The following DNER variants were observed in gnomAD, a reference collection of about 807,000 sequenced individuals.
The protein encoded by DNER is delta/notch like EGF repeat containing.
DNER carries 33 observed loss-of-function variants against 78.2 expected under a neutral mutation model. The ratio of observed to expected loss-of-function variants is 0.42; its 90% confidence interval spans 0.32 to 0.56. DNER has a LOEUF of 0.56. Among genes scored for constraint, DNER ranks in the 20% least tolerant of loss-of-function variants. The pLI is 0.11. For synonymous variants in DNER, 417 were observed against 384.8 expected, an observed-to-expected ratio of 1.08 and a Z score of -0.98; for missense variants, 918 against 975.3, an observed-to-expected ratio of 0.94 and a Z score of 0.78.
In DNER at chr2:229,607,491, A is replaced by C. The variant is rs537176521; in HGVS notation, c.277-15603T>G. Among the ~76,000 whole-genome samples the C allele has an allele frequency of 3.3e-5, 5 of 152,314 alleles. No homozygotes were observed. In the South Asian group the frequency reaches 1.0e-3, roughly 32 times the overall value. Reference sequence around the variant, plus strand: ...GTAGAACAGTACAATTCCAATCAAAATCCCATGCTTCTTTTTTGTTTTCTG... The same window carrying C: ...GTAGAACAGTACAATTCCAATCAAACTCCCATGCTTCTTTTTTGTTTTCTG... On this transcript the variant is annotated intron_variant, in intron 1 of 12. Coordinates refer to ENST00000341772, the MANE Select transcript of DNER (RefSeq NM_139072.4).
At chr2:229,387,893 T>TGTGTG (rs3222719) in intron 11 of DNER, among the ~76,000 whole-genome samples, 1,993 of 71,946 alleles carry the variant, frequency 0.028, 18 homozygotes, top group Middle Eastern at 0.049. Flanking sequence ...GTGTGTGTGT[T>TGTGTG]TTTTAATTTT....
intron 8 of DNER, among the ~76,000 whole-genome samples, chr2:229,446,909 GTTAAC>G (rs1694353388): frequency 6.6e-6 from 1 of 152,200 alleles, no homozygotes; most frequent in African/African-American, 2.4e-5. Context: ...AAGATATTCT[GTTAAC>G]TTAAGCACAC....
intron 8 of DNER, among the ~76,000 whole-genome samples, chr2:229,426,552 C>T (rs1045185546): frequency 2.6e-5 from 4 of 151,724 alleles, no homozygotes; most frequent in African/African-American, 9.7e-5. Flanking sequence ...GGTCATAGAG[C>T]CCTTTGGCGC....
intron 4 of DNER, among the ~76,000 whole-genome samples, chr2:229,579,770 G>T (rs567921663): frequency 4.0e-4 from 60 of 150,956 alleles, no homozygotes; most frequent in African/African-American, 1.4e-3. Context: ...TGGGTATTGA[G>T]AATTCCTTTT....
intron 1 of DNER, among the ~76,000 whole-genome samples, chr2:229,599,096 G>A (rs1051949191): frequency 6.6e-6 from 1 of 152,114 alleles, no homozygotes; most frequent in Non-Finnish European, 1.5e-5. Flanking sequence ...ATTCTGGGCA[G>A]TGGGTGGGGA....
At chr2:229,705,123 C>T (rs1216420926) in intron 1 of DNER, among the ~76,000 whole-genome samples, 1 of 152,222 alleles carries the variant, frequency 6.6e-6, no homozygotes, top group Non-Finnish European at 1.5e-5. Flanking sequence ...GCTACAGACT[C>T]TTCGCTTCAG....
At chr2:229,576,185 A>T (rs1174485574) in intron 4 of DNER, among the ~76,000 whole-genome samples, 1 of 152,142 alleles carries the variant, frequency 6.6e-6, no homozygotes, top group African/African-American at 2.4e-5. Context: ...TTAAATCTTA[A>T]GTTTTCAGTG....
At chr2:229,622,571 A>G (rs965356931) in intron 1 of DNER, among the ~76,000 whole-genome samples, 3 of 152,214 alleles carry the variant, frequency 2.0e-5, no homozygotes, top group Non-Finnish European at 4.4e-5. Flanking sequence ...TACAAGCTGA[A>G]TCGTGTACCC....
In DNER at chr2:229,626,057, T is replaced by C. The variant is rs549991771; in HGVS notation, c.277-34169A>G. On this transcript the variant is annotated intron_variant, in intron 1 of 12. Coordinates refer to ENST00000341772, the MANE Select transcript of DNER (RefSeq NM_139072.4). ...GCCTCAGCCTCCTGAGTAGCTGGGA[T>C]TACAGGCACCCACAACAGTGCCTGG... is the stretch of plus-strand genomic sequence containing the variant. 9.9e-5 allele frequency among the ~76,000 whole-genome samples: 15 copies of C among 152,192 alleles called. No homozygotes were observed. The South Asian group carries it at 1.0e-3, about 11-fold the overall frequency.
rs539532342 is a variant in DNER at position 229,447,493 on chromosome 2, A to G, written c.1309T>C (p.Ser437Pro). The G allele has an allele frequency of 1.2e-6, 2 of 1,614,192 alleles. No individual in the cohort carries two copies. The highest frequency in any genetic ancestry group is 1.3e-5 in the African/African-American group (1 of 75,064). ...CEEKVDPCAS[S>P]PCQNNGTCYV... Reference sequence around the variant, plus strand: ...CAGGTGCCGTTGTTCTGGCACGGAGACGAGGCGCAGGGGTCCACCTTTTCT... The same window carrying G: ...CAGGTGCCGTTGTTCTGGCACGGAGGCGAGGCGCAGGGGTCCACCTTTTCT... The change falls in exon 8 of 13, where the codon TCT (serine) becomes CCT (proline). Residue 437 changes from serine to proline, a missense_variant. Physicochemically the swap from Ser to Pro is moderately conservative, Grantham distance 74 (BLOSUM62 -1). Coordinates refer to ENST00000341772, the MANE Select transcript of DNER (RefSeq NM_139072.4).
chr2:229,424,719 A>G (rs1047615926), intron 8 of DNER, among the ~76,000 whole-genome samples: 5 of 152,142 alleles, frequency 3.3e-5, no homozygotes, highest in East Asian at 1.9e-4. Context: ...GGAGGTTACA[A>G]CTTCAACATA....
intron 6 of DNER, among the ~76,000 whole-genome samples, chr2:229,488,059 G>T (rs1192965883): frequency 6.6e-6 from 1 of 152,218 alleles, no homozygotes. Context: ...CCATTTCAGG[G>T]GAGCACTTAA....
At chr2:229,512,745 C>T (rs947087705) in intron 6 of DNER, 38 bp downstream of exon 6, 5 of 1,612,294 alleles carry the variant, frequency 3.1e-6, no homozygotes, top group Non-Finnish European at 4.2e-6. Flanking sequence ...GCTGTACAGA[C>T]ATACACCTAA....
intron 11 of DNER, 67 bp downstream of exon 11, chr2:229,388,198 G>A (rs1692938293): frequency 9.8e-6 from 15 of 1,523,306 alleles, no homozygotes; most frequent in Admixed American, 2.0e-5. Flanking sequence ...TCTTCTTCAT[G>A]AAGGAAAATG....
chr2:229,563,671 TCAA>T (rs762945643), intron 4 of DNER, among the ~76,000 whole-genome samples: 8 of 145,482 alleles, frequency 5.5e-5, no homozygotes, highest in South Asian at 2.3e-4. Flanking sequence ...ACCATCATCA[TCAA>T]CATTATCACC....
In DNER at chr2:229,418,086, G is replaced by C; in HGVS notation, c.1609+22C>G. ...CGTCATTTAGAGCCATTCTGGCACA[G>C]GAAGGCCAGGCGGCCTCTCACCTTT... On this transcript the variant is annotated intron_variant, in intron 9 of 12. Transcript: ENST00000341772. The C allele has an allele frequency of 1.9e-6, 3 of 1,614,106 alleles. No homozygotes were observed. The South Asian group carries it at 3.3e-5, about 18-fold the overall frequency.
At chr2:229,381,531 G>T (rs1692736421) in intron 11 of DNER, among the ~76,000 whole-genome samples, 1 of 152,174 alleles carries the variant, frequency 6.6e-6, no homozygotes, top group Admixed American at 6.5e-5. Context: ...CCACTGGCTT[G>T]AAATTCTCAC....
intron 1 of DNER, among the ~76,000 whole-genome samples, chr2:229,674,349 G>C (rs867678511): frequency 5.3e-5 from 8 of 152,188 alleles, no homozygotes; most frequent in Middle Eastern, 3.2e-3. Context: ...TGCGATCTCG[G>C]CTTACTGCAA....
intron 9 of DNER, among the ~76,000 whole-genome samples, chr2:229,413,707 C>T (rs60130850): frequency 0.042 from 6,392 of 150,678 alleles, 433 homozygotes; most frequent in African/African-American, 0.15. Context: ...AATATATATA[C>T]ATAGAGAGGG....
Sources: gnomAD v4.1 joint callset for allele counts (sites outside exome capture counted in the v4.1 genomes callset) on GRCh38, gnomAD v4.1.1 for gene constraint, MANE v1.5 for transcripts, NCBI Gene and HGNC (gene_info 2026-07-23, HGNC 2026-07-21) for gene names.